The following RMST variants were observed in gnomAD, a reference collection of about 807,000 sequenced individuals.
The protein encoded by RMST is rhabdomyosarcoma 2 associated transcript.
At chr12:97,563,496 C>G (rs1347341984) in intron 13 of RMST, 1 of 272,790 alleles carries the variant, frequency 3.7e-6, no homozygotes, top group Non-Finnish European at 7.1e-6. Flanking sequence ...TGTCTGTCTT[C>G]TGTCTTTCCG....
chr12:97,513,707 C>T (rs1210581455), intron 10 of RMST, among the ~76,000 whole-genome samples: 1 of 152,066 alleles, frequency 6.6e-6, no homozygotes, highest in Admixed American at 6.5e-5. Context: ...CACCCATATT[C>T]TTATGTTTAT....
Position 97,557,324 on chromosome 12 carries a change from C to A in RMST, n.1546-3213C>A, listed in dbSNP as rs1267214337. On this transcript the variant is annotated intron_variant and non_coding_transcript_variant, in intron 11 of 13. Coordinates refer to ENST00000640149, the Ensembl canonical transcript of RMST. ...TTTCTTGAGTGGAGTTGCAGTACAC[C>A]TGAGAGGTTGTTAATTCAGCTGTGT... Among the ~76,000 whole-genome samples the A allele has an allele frequency of 7.9e-5, 12 of 152,138 alleles. No individual in the cohort carries two copies. The East Asian group carries it at 2.3e-3, about 30-fold the overall frequency.
intron 10 of RMST, among the ~76,000 whole-genome samples, chr12:97,526,099 A>T (rs1253767866): frequency 6.6e-6 from 1 of 151,952 alleles, no homozygotes; most frequent in African/African-American, 2.4e-5. Flanking sequence ...GAGTTGTATA[A>T]TTATTTCATT....
chr12:97,528,005 T>A (rs1468510968), intron 10 of RMST, among the ~76,000 whole-genome samples: 1 of 152,062 alleles, frequency 6.6e-6, no homozygotes, highest in Non-Finnish European at 1.5e-5. Flanking sequence ...GGTCAGAAAA[T>A]ATGCCGAGTT....
chr12:97,494,797 A>G (rs1877221284), exon 9 of RMST: 1 of 152,208 alleles, frequency 6.6e-6, no homozygotes, highest in Non-Finnish European at 1.5e-5. Flanking sequence ...GTTCTATAAA[A>G]GATATTGTCT....
chr12:97,525,257 A>C (rs1880975140), intron 10 of RMST, among the ~76,000 whole-genome samples: 1 of 152,224 alleles, frequency 6.6e-6, no homozygotes, highest in African/African-American at 2.4e-5. Flanking sequence ...CTCAATCAAC[A>C]AATGGTTTTG....
At chr12:97,508,732 G>A (rs929176781) in intron 10 of RMST, among the ~76,000 whole-genome samples, 1 of 152,118 alleles carries the variant, frequency 6.6e-6, no homozygotes, top group Non-Finnish European at 1.5e-5. Flanking sequence ...AGCAGTAGAG[G>A]AAATCTATTG....
At chr12:97,542,235 G>T (rs1882597073) in intron 11 of RMST, among the ~76,000 whole-genome samples, 1 of 151,738 alleles carries the variant, frequency 6.6e-6, no homozygotes, top group South Asian at 2.1e-4. Flanking sequence ...TGAGAATTAT[G>T]ATTTGCAAGG....
intron 10 of RMST, among the ~76,000 whole-genome samples, chr12:97,517,463 G>T (rs1489977383): frequency 6.6e-6 from 1 of 151,762 alleles, no homozygotes. Flanking sequence ...CCATTCTCCA[G>T]ATCTGCCAGT....
At position 97,512,742 on chromosome 12, in the gene RMST, G is replaced by C. The variant is rs544985185; in HGVS notation, n.1340+16686G>C. ...GCTTTACCCAGTGGATCCCGCACCG[G>C]GGCTGCAGGTGGAGCTGCCTGCCAA... On this transcript the variant is annotated intron_variant and non_coding_transcript_variant, in intron 10 of 13. Transcript: ENST00000640149. 2.6e-5 allele frequency among the ~76,000 whole-genome samples: 4 copies of C among 152,344 alleles called. No homozygotes were observed. The East Asian group carries it at 7.7e-4, about 29-fold the overall frequency.
intron 10 of RMST, among the ~76,000 whole-genome samples, chr12:97,516,256 T>C (rs1415993595): frequency 6.6e-6 from 1 of 152,080 alleles, no homozygotes; most frequent in East Asian, 1.9e-4. Flanking sequence ...AACCTAATGC[T>C]TGCTCATATT....
chr12:97,498,095 G>T (rs1361302482), intron 10 of RMST, among the ~76,000 whole-genome samples: 3 of 152,158 alleles, frequency 2.0e-5, no homozygotes, highest in Non-Finnish European at 2.9e-5. Flanking sequence ...GGGTCTAGGG[G>T]TGTTTCCCCA....
chr12:97,517,157 G>T (rs1048785690), intron 10 of RMST, among the ~76,000 whole-genome samples: 2 of 151,894 alleles, frequency 1.3e-5, no homozygotes, highest in Admixed American at 6.6e-5. Flanking sequence ...TAACATAAAA[G>T]TCAATACATA....
chr12:97,561,809 A>G (rs1295806937), intron 13 of RMST, among the ~76,000 whole-genome samples: 1 of 152,058 alleles, frequency 6.6e-6, no homozygotes, highest in Non-Finnish European at 1.5e-5. Context: ...TACCATTTCA[A>G]AAGCTTCACT....
At chr12:97,481,399 T>C (rs997687140) in intron 5 of RMST, among the ~76,000 whole-genome samples, 3 of 152,222 alleles carry the variant, frequency 2.0e-5, no homozygotes, top group Admixed American at 2.0e-4. Flanking sequence ...CTGTGATTTT[T>C]TAAACATTTA....
chr12:97,492,715 T>C (rs1876982478), intron 6 of RMST: 1 of 152,204 alleles, frequency 6.6e-6, no homozygotes, highest in Non-Finnish European at 1.5e-5. Flanking sequence ...TCCAACTCTT[T>C]TAATGCTATA....
At chr12:97,497,681 T>G (rs180840058) in intron 10 of RMST, among the ~76,000 whole-genome samples, 1 of 146,580 alleles carries the variant, frequency 6.8e-6, no homozygotes, top group Admixed American at 6.7e-5. Flanking sequence ...CAAGGATGAT[T>G]TTTTTTTTTT....
chr12:97,542,397 C>T (rs558672869), intron 11 of RMST, among the ~76,000 whole-genome samples: 17 of 151,906 alleles, frequency 1.1e-4, no homozygotes, highest in South Asian at 4.2e-4. Flanking sequence ...ATTGTAATCT[C>T]ACTTGGCCTG....
At chr12:97,471,419 G>C (rs1833359206) in intron 5 of RMST, among the ~76,000 whole-genome samples, 1 of 152,124 alleles carries the variant, frequency 6.6e-6, no homozygotes, top group Non-Finnish European at 1.5e-5. Flanking sequence ...GGAGATAAGT[G>C]AGCATAAAGC....
Sources: gnomAD v4.1 joint callset for allele counts (sites outside exome capture counted in the v4.1 genomes callset) on GRCh38, gnomAD v4.1.1 for gene constraint, MANE v1.5 for transcripts, NCBI Gene and HGNC (gene_info 2026-07-23, HGNC 2026-07-21) for gene names.